The following KCNIP3 variants were observed in gnomAD, a reference collection of about 807,000 sequenced individuals.
The protein encoded by KCNIP3 is potassium voltage-gated channel interacting protein 3.
A neutral mutation model predicts 35.0 loss-of-function variants in KCNIP3; 28 were observed. The ratio of observed to expected loss-of-function variants is 0.80; its 90% confidence interval spans 0.59 to 1.10. The LOEUF is 1.10. Ranked by LOEUF, KCNIP3 falls within the 50% of genes least tolerant of loss-of-function variation. KCNIP3 has a pLI of 0.00. For synonymous variants in KCNIP3, 134 were observed against 133.8 expected (o/e 1.00, Z -0.01); for missense variants, 295 against 338.4 (o/e 0.87, Z 1.01).
chr2:95,317,185 T>C (rs1479890111), intron 2 of KCNIP3, among the ~76,000 whole-genome samples: 3 of 152,204 alleles, frequency 2.0e-5, no homozygotes, highest in Admixed American at 1.3e-4. Flanking sequence ...GGCAGGGGAC[T>C]GTGTGAGAGC....
At chr2:95,326,462 G>C (rs1438175941) in intron 2 of KCNIP3, among the ~76,000 whole-genome samples, 1 of 152,206 alleles carries the variant, frequency 6.6e-6, no homozygotes, top group Non-Finnish European at 1.5e-5. Context: ...CTCTGGGAGG[G>C]CAGCGGCTCC....
At chr2:95,328,437 G>A (rs77873509) in intron 2 of KCNIP3, among the ~76,000 whole-genome samples, 3,572 of 152,358 alleles carry the variant, frequency 0.023, 133 homozygotes, top group African/African-American at 0.082. Context: ...CTGTCTGAGC[G>A]CCTGGAGGAG....
In KCNIP3 at chr2:95,377,969, G is replaced by A. The variant is rs1361445636; in HGVS notation, c.447+2761G>A. On this transcript the variant is annotated intron_variant, in intron 5 of 8. Transcript: ENST00000295225. The surrounding 1 kb of genome is among the most constrained non-coding windows in gnomAD (Gnocchi z 4.7). ...GCCTGCCCAGGGTCCCCAGGAGAAC[G>A]GTGTGCTCCACGCCTTTGCTACCCA... 4.6e-5 allele frequency among the ~76,000 whole-genome samples: 7 copies of A among 152,270 alleles called. No homozygotes were observed. The East Asian group carries it at 1.2e-3, about 25-fold the overall frequency.
chr2:95,376,353 A>C lies in KCNIP3; in HGVS notation c.447+1145A>C, dbSNP rs2104302128. On this transcript the variant is annotated intron_variant, in intron 5 of 8. Transcript: ENST00000295225. The surrounding 1 kb of genome is among the most constrained non-coding windows in gnomAD (Gnocchi z 4.2). ...GGGGTGCGAGTGGTTTTTCTTGTTC[A>C]GGAATGAGATGACTGAGAGGCTCGG... Among the ~76,000 whole-genome samples the C allele has an allele frequency of 6.6e-6, 1 of 152,316 alleles. No individual in the cohort carries two copies. Among genetic ancestry groups the C allele is most frequent in the East Asian group, 1.9e-4 (1 of 5,168 alleles).
At chr2:95,325,646 C>A (rs909543999) in intron 2 of KCNIP3, among the ~76,000 whole-genome samples, 1 of 151,794 alleles carries the variant, frequency 6.6e-6, no homozygotes, top group African/African-American at 2.4e-5. Flanking sequence ...CACACGCATA[C>A]ACACAAATAG....
At chr2:95,353,739 C>A (rs1464624250) in intron 2 of KCNIP3, among the ~76,000 whole-genome samples, 2 of 152,166 alleles carry the variant, frequency 1.3e-5, no homozygotes, top group African/African-American at 4.8e-5. Flanking sequence ...TGCAGCCCGA[C>A]CCAGAGCTTT....
intron 2 of KCNIP3, among the ~76,000 whole-genome samples, chr2:95,358,707 G>T (rs369189715): frequency 7.8e-4 from 119 of 152,294 alleles, no homozygotes; most frequent in African/African-American, 2.6e-3. Context: ...AGCATCACAT[G>T]GCTGAAGGGC....
chr2:95,362,336 C>G (rs185176711), intron 2 of KCNIP3, among the ~76,000 whole-genome samples: 1 of 152,104 alleles, frequency 6.6e-6, no homozygotes, highest in Non-Finnish European at 1.5e-5. Flanking sequence ...GAACTCCCGA[C>G]CTCAGGTGAT....
chr2:95,338,486 C>T (rs1025848394), intron 2 of KCNIP3, among the ~76,000 whole-genome samples: 25 of 152,132 alleles, frequency 1.6e-4, no homozygotes, highest in Non-Finnish European at 1.5e-5. Flanking sequence ...AGTATGCTAG[C>T]TGAGTCCTTC....
chr2:95,351,317 C>G (rs1679516192), intron 2 of KCNIP3, among the ~76,000 whole-genome samples: 1 of 152,240 alleles, frequency 6.6e-6, no homozygotes, highest in Admixed American at 6.5e-5. Context: ...GTGTTGAGAG[C>G]AGACTTGGGG....
At chr2:95,330,768 C>T (rs1318660673) in intron 2 of KCNIP3, among the ~76,000 whole-genome samples, 4 of 152,212 alleles carry the variant, frequency 2.6e-5, no homozygotes, top group African/African-American at 4.8e-5. Context: ...CTGAGAACAT[C>T]CCATTGTGAA....
intron 2 of KCNIP3, among the ~76,000 whole-genome samples, chr2:95,360,228 A>G (rs1208349055): frequency 6.6e-6 from 1 of 151,916 alleles, no homozygotes; most frequent in Non-Finnish European, 1.5e-5. Context: ...TTCCATAAAC[A>G]TAAAGCCACT....
chr2:95,318,527 C>A (rs999110472), intron 2 of KCNIP3, among the ~76,000 whole-genome samples: 1 of 152,172 alleles, frequency 6.6e-6, no homozygotes, highest in Non-Finnish European at 1.5e-5. Flanking sequence ...CTCCCTGAGT[C>A]GGTACTTGTG....
chr2:95,369,465 T>C (rs1679990477), intron 2 of KCNIP3, among the ~76,000 whole-genome samples: 1 of 152,218 alleles, frequency 6.6e-6, no homozygotes, highest in African/African-American at 2.4e-5. Context: ...TCTGTAATTT[T>C]TCAGGAATTG....
intron 1 of KCNIP3, among the ~76,000 whole-genome samples, chr2:95,304,770 C>T (rs535102206): frequency 6.6e-6 from 1 of 152,320 alleles, no homozygotes; most frequent in African/African-American, 2.4e-5. Context: ...CACCAGCACA[C>T]AGCAGGGGCA....
At chr2:95,366,068 A>G (rs889737362) in intron 2 of KCNIP3, among the ~76,000 whole-genome samples, 1 of 152,070 alleles carries the variant, frequency 6.6e-6, no homozygotes, top group African/African-American at 2.4e-5. Context: ...GGCGGCCTTG[A>G]ACTCCAGGGC....
At chr2:95,345,582 A>T (rs1242017267) in intron 2 of KCNIP3, among the ~76,000 whole-genome samples, 4 of 152,254 alleles carry the variant, frequency 2.6e-5, no homozygotes, top group African/African-American at 9.6e-5. Context: ...TCGCGCTTAT[A>T]GGCGTGGAGC....
intron 2 of KCNIP3, among the ~76,000 whole-genome samples, chr2:95,319,743 T>G (rs1678543750): frequency 6.6e-6 from 1 of 152,216 alleles, no homozygotes; most frequent in Admixed American, 6.5e-5. Context: ...TCCGGGCGCC[T>G]GTGTCATGCC....
intron 3 of KCNIP3, 124 bp downstream of exon 3, chr2:95,374,544 C>T: frequency 1.6e-6 from 2 of 1,271,506 alleles, no homozygotes; most frequent in Non-Finnish European, 1.1e-6. Context: ...TGTGGGAAAG[C>T]TGTGTGGCGG....
Sources: gnomAD v4.1 joint callset for allele counts (sites outside exome capture counted in the v4.1 genomes callset) on GRCh38, gnomAD v4.1.1 for gene constraint, Gnocchi (gnomAD v3.1) non-coding constraint, MANE v1.5 for transcripts, NCBI Gene and HGNC (gene_info 2026-07-23, HGNC 2026-07-21) for gene names.